RBFOX1: variants seen among roughly 807,000 people sequenced by gnomAD.
RBFOX1 encodes the protein RNA binding fox-1 homolog 1, also known as RNA binding protein fox-1 homolog 1.
In RBFOX1, 8 loss-of-function variants were observed where a neutral mutation model predicts 57.7. The observed-to-expected ratio is 0.14, with a 90% CI of 0.08 to 0.25. The LOEUF (loss-of-function observed/expected upper bound fraction) is 0.25, where lower values mean the gene tolerates loss of function less well. RBFOX1 is among the 10% of genes least tolerant of loss of function. The pLI, the probability that RBFOX1 is intolerant of heterozygous loss-of-function variation, is 1.00. For synonymous variants in RBFOX1, 326 were observed against 222.4 expected, an observed-to-expected ratio of 1.47 and a Z score of -4.15; for missense variants, 611 against 548.5, an observed-to-expected ratio of 1.11 and a Z score of -1.14.
At chr16:7,238,359 A>G (rs2093882020) in intron 4 of RBFOX1, among the ~76,000 whole-genome samples, 4 of 142,220 alleles carry the variant, frequency 2.8e-5, no homozygotes, top group Admixed American at 1.4e-4. Context: ...AATAAAAATT[A>G]AAAGAAGAAG....
At chr16:6,869,320 G>T (rs116872386) in intron 3 of RBFOX1, among the ~76,000 whole-genome samples, 1,837 of 152,280 alleles carry the variant, frequency 0.012, 21 homozygotes, top group Non-Finnish European at 0.02. Flanking sequence ...ACTGCCAGAT[G>T]AAGAAATGGG....
intron 2 of RBFOX1, among the ~76,000 whole-genome samples, chr16:6,496,885 A>T (rs1033992252): frequency 6.6e-6 from 1 of 152,112 alleles, no homozygotes; most frequent in Admixed American, 6.5e-5. Context: ...GCTTGAACCC[A>T]GGAGGTGGAG....
At chr16:7,171,788 C>T (rs556367877) in intron 4 of RBFOX1, among the ~76,000 whole-genome samples, 2 of 152,284 alleles carry the variant, frequency 1.3e-5, no homozygotes, top group East Asian at 3.9e-4. Flanking sequence ...TTCCCAGGTG[C>T]TTTGAATTTT....
intron 3 of RBFOX1, among the ~76,000 whole-genome samples, chr16:5,866,592 C>G (rs545846045): frequency 4.6e-5 from 7 of 152,304 alleles, no homozygotes; most frequent in South Asian, 2.1e-4. Flanking sequence ...GGTGTCTACA[C>G]CAAATCCTTT....
chr16:5,347,368 A>G (rs1408658869), intron 1 of RBFOX1, among the ~76,000 whole-genome samples: 1 of 152,156 alleles, frequency 6.6e-6, no homozygotes, highest in Non-Finnish European at 1.5e-5. Context: ...GCCTCCTTGA[A>G]TCATACTTTG....
At chr16:7,578,912 G>T (rs1280793107) in intron 5 of RBFOX1, among the ~76,000 whole-genome samples, 1 of 152,126 alleles carries the variant, frequency 6.6e-6, no homozygotes, top group Non-Finnish European at 1.5e-5. Context: ...TCAATGTAAC[G>T]TCATGTTATA....
chr16:5,614,795 A>G (rs1262699183), intron 3 of RBFOX1, among the ~76,000 whole-genome samples: 3 of 152,202 alleles, frequency 2.0e-5, no homozygotes, highest in Non-Finnish European at 2.9e-5. Flanking sequence ...AATTAAAAAC[A>G]AAAACATCCG....
At chr16:6,236,600 A>G (rs2097506769) in intron 1 of RBFOX1, among the ~76,000 whole-genome samples, 1 of 151,684 alleles carries the variant, frequency 6.6e-6, no homozygotes, top group Admixed American at 6.6e-5. Flanking sequence ...ATGCCTGGCT[A>G]ATTTGTTTAT....
intron 4 of RBFOX1, among the ~76,000 whole-genome samples, chr16:7,058,204 G>C (rs1482068477): frequency 6.6e-6 from 1 of 152,014 alleles, no homozygotes; most frequent in Non-Finnish European, 1.5e-5. Flanking sequence ...ATTAAGAAAG[G>C]GGGAATCACT....
chr16:6,936,109 C>G (rs908451633), intron 3 of RBFOX1, among the ~76,000 whole-genome samples: 2 of 152,150 alleles, frequency 1.3e-5, no homozygotes, highest in African/African-American at 4.8e-5. Context: ...TCACTTTTTG[C>G]TCCGGGGGTT....
At chr16:7,105,743 C>A (rs539673413) in intron 4 of RBFOX1, among the ~76,000 whole-genome samples, 1 of 150,684 alleles carries the variant, frequency 6.6e-6, no homozygotes, top group East Asian at 1.9e-4. Context: ...TATATAGATT[C>A]AGTCACAGAG....
chr16:7,178,238 T>A (rs2082050745), intron 4 of RBFOX1, among the ~76,000 whole-genome samples: 1 of 152,216 alleles, frequency 6.6e-6, no homozygotes, highest in Non-Finnish European at 1.5e-5. Context: ...AGTGATTCAA[T>A]TTGTCAGAGG....
At chr16:7,391,131 C>G (rs1488053606) in intron 4 of RBFOX1, among the ~76,000 whole-genome samples, 8 of 152,146 alleles carry the variant, frequency 5.3e-5, no homozygotes, top group Admixed American at 5.2e-4. Flanking sequence ...GACAGTTAAT[C>G]CACTGGAAGG....
intron 2 of RBFOX1, among the ~76,000 whole-genome samples, chr16:6,537,171 T>C (rs1310621160): frequency 6.6e-6 from 1 of 152,160 alleles, no homozygotes; most frequent in East Asian, 1.9e-4. Flanking sequence ...CTACAATGCA[T>C]ATTCTGTTTC....
intron 5 of RBFOX1, among the ~76,000 whole-genome samples, chr16:7,527,330 A>C (rs1217066381): frequency 6.6e-6 from 1 of 152,038 alleles, no homozygotes; most frequent in Non-Finnish European, 1.5e-5. Context: ...TGCCTGTTTT[A>C]TTATTTTAAA....
intron 4 of RBFOX1, among the ~76,000 whole-genome samples, chr16:7,333,576 A>C (rs2096731298): frequency 1.3e-5 from 2 of 152,180 alleles, no homozygotes; most frequent in African/African-American, 2.4e-5. Flanking sequence ...GAGTGGTGGC[A>C]CTGAGGCAAG....
chr16:7,394,670 C>G (rs956935463), intron 4 of RBFOX1, among the ~76,000 whole-genome samples: 1 of 152,156 alleles, frequency 6.6e-6, no homozygotes, highest in Admixed American at 6.5e-5. Context: ...GTTTACTGAT[C>G]AGGCAGTTTC....
At chr16:7,264,620 A>G (rs2095057866) in intron 4 of RBFOX1, among the ~76,000 whole-genome samples, 1 of 152,232 alleles carries the variant, frequency 6.6e-6, no homozygotes, top group South Asian at 2.1e-4. Flanking sequence ...TTACAATAAA[A>G]TTTGATTTAT....
At chr16:6,680,626 A>G (rs1282522537) in intron 3 of RBFOX1, among the ~76,000 whole-genome samples, 2 of 152,178 alleles carry the variant, frequency 1.3e-5, no homozygotes, top group Admixed American at 6.5e-5. Context: ...TAAAATAACA[A>G]TAAAGTTTCA....
Sources: gnomAD v4.1 joint callset for allele counts (sites outside exome capture counted in the v4.1 genomes callset) on GRCh38, gnomAD v4.1.1 for gene constraint, MANE v1.5 for transcripts, NCBI Gene and HGNC (gene_info 2026-07-23, HGNC 2026-07-21) for gene names.